Variants in UPB1 observed in about 807,000 individuals in gnomAD.
UPB1 encodes the protein beta-ureidopropionase 1, also known as beta-ureidopropionase.
A neutral mutation model predicts 49.1 loss-of-function variants in UPB1; 40 were observed. The observed-to-expected ratio is 0.81, with a 90% CI of 0.63 to 1.06. The LOEUF is 1.06. Ranked by LOEUF, UPB1 falls within the 50% of genes least tolerant of loss-of-function variation. The pLI is 0.00. For synonymous variants in UPB1, 207 were observed against 198.2 expected, an observed-to-expected ratio of 1.04 and a Z score of -0.38; for missense variants, 499 against 505.9, an observed-to-expected ratio of 0.99 and a Z score of 0.13.
chr22:24,526,218 CGGAT>C lies in UPB1; in HGVS notation c.*427_*430del. 1 of 296,794 alleles carries C rather than the reference CGGAT, an allele frequency of 3.4e-6. No homozygotes were observed. Among genetic ancestry groups the C allele is most frequent in the Non-Finnish European group, 6.6e-6 (1 of 151,242 alleles). The allele number at this position is 296,794 out of a possible 1,614,324, so 18.4% of individuals were successfully genotyped here. The stretch of plus-strand genomic sequence containing the variant: ...AGCCTACAGCAAGGCTGTGGTGGGT[CGGAT>C]GGTCTTTGGATGTGTCAGCTTAGCT... On this transcript the variant is annotated 3_prime_UTR_variant, in exon 10 of 10. Transcript: ENST00000326010.
intron 3 of UPB1, among the ~76,000 whole-genome samples, chr22:24,504,156 T>C (rs2044043410): frequency 6.6e-6 from 1 of 152,186 alleles, no homozygotes; most frequent in Non-Finnish European, 1.5e-5. Context: ...CTCCCTTCAT[T>C]TCCTGTTAGT....
chr22:24,513,168 A>T (rs867213121), intron 4 of UPB1, among the ~76,000 whole-genome samples, 156 bp from the exon 5 acceptor site: 12 of 152,222 alleles, frequency 7.9e-5, no homozygotes, highest in Non-Finnish European at 1.6e-4. Context: ...CTTATTTAGC[A>T]AAGCATGGAC....
chr22:24,516,243 C>T (rs1304338406), intron 6 of UPB1, among the ~76,000 whole-genome samples: 1 of 152,124 alleles, frequency 6.6e-6, no homozygotes, highest in Non-Finnish European at 1.5e-5. Context: ...CGGTGTTAGC[C>T]TCACCCCTAA....
chr22:24,515,494 G>GC, intron 6 of UPB1, 124 bp downstream of exon 6: 1 of 1,340,116 alleles, frequency 7.5e-7, no homozygotes, highest in Non-Finnish European at 1.0e-6. Context: ...ACAGAGCTGA[G>GC]CCCCCAGGAT....
intron 8 of UPB1, 96 bp downstream of exon 8, chr22:24,522,124 CACAT>C: frequency 7.0e-7 from 1 of 1,432,088 alleles, no homozygotes; most frequent in Non-Finnish European, 9.7e-7. Flanking sequence ...CCACACAGAT[CACAT>C]CTGCATGCCT....
intron 3 of UPB1, among the ~76,000 whole-genome samples, chr22:24,505,204 G>A (rs907169462): frequency 6.6e-6 from 1 of 152,056 alleles, no homozygotes. Context: ...TCATGGTTGC[G>A]ATATCTTCTC....
rs74279106 is a variant in UPB1 at position 24,525,995 on chromosome 22, T to C, written c.*201T>C. On this transcript the variant is annotated 3_prime_UTR_variant, in exon 10 of 10. Coordinates refer to ENST00000326010, the MANE Select transcript of UPB1 (RefSeq NM_016327.3). ...CTTACTTCTGGGGTATTGGAAATGT[T>C]TGGGGACTAGGTAGAGGTGAATGTA... 142 of 645,624 alleles carry C rather than the reference T, an allele frequency of 2.2e-4. 2 individuals are homozygous for C. In the African/African-American group the frequency reaches 2.3e-3, roughly 10 times the overall value. 40.0% of individuals were successfully genotyped at this position (645,624 alleles called of 1,614,324 possible).
chr22:24,502,788 T>G (rs888208852), intron 3 of UPB1: 6 of 482,278 alleles, frequency 1.2e-5, no homozygotes, highest in Non-Finnish European at 2.2e-5. Flanking sequence ...ACCTATTGAC[T>G]TCCCCCTATG....
chr22:24,511,748 G>T (rs1568988611), intron 4 of UPB1, among the ~76,000 whole-genome samples: 1 of 148,528 alleles, frequency 6.7e-6, no homozygotes, highest in Non-Finnish European at 1.5e-5. Context: ...GGAGTAGCTG[G>T]GACTACAGGC....
chr22:24,513,780 A>G (rs1216802199), intron 5 of UPB1, among the ~76,000 whole-genome samples: 2 of 152,224 alleles, frequency 1.3e-5, no homozygotes, highest in Non-Finnish European at 2.9e-5. Flanking sequence ...TCTTTGAAGT[A>G]AGTGGTATAT....
intron 6 of UPB1, among the ~76,000 whole-genome samples, chr22:24,517,097 C>T (rs2044310387): frequency 6.6e-6 from 1 of 152,128 alleles, no homozygotes; most frequent in African/African-American, 2.4e-5. Context: ...GCCCCTTTCT[C>T]AAGAGTAATA....
intron 7 of UPB1, 64 bp downstream of exon 7, chr22:24,520,532 G>A (rs755675576): frequency 2.1e-4 from 327 of 1,566,440 alleles, no homozygotes; most frequent in Middle Eastern, 3.3e-4. Context: ...GGGACACCCC[G>A]TTCCCTCTGC....
rs1341850190 is a variant in UPB1, at chr22:24,526,990, A to G, written c.*1196A>G. 1 of 152,166 alleles carries G rather than the reference A, an allele frequency of 6.6e-6. No homozygotes were observed. The highest frequency in any genetic ancestry group is 2.4e-5 in the African/African-American group (1 of 41,428). 9.4% of individuals were successfully genotyped at this position (152,166 alleles called of 1,614,324 possible). On this transcript the variant is annotated 3_prime_UTR_variant, in exon 10 of 10. Transcript: ENST00000326010. ...ACCTACTAATTCTGCTAGTTCTGCTAATGTGGTTGAGCTCCATTTTACACA... is the reference window on the plus strand; with the variant it reads ...ACCTACTAATTCTGCTAGTTCTGCTGATGTGGTTGAGCTCCATTTTACACA...
chr22:24,513,549 C>T (rs2044243926), intron 5 of UPB1, 64 bp downstream of exon 5: 2 of 1,570,136 alleles, frequency 1.3e-6, no homozygotes, highest in Non-Finnish European at 1.7e-6. Flanking sequence ...TTGTAGATCT[C>T]TGTGGGACTT....
chr22:24,505,359 G>A (rs373424236), intron 3 of UPB1, among the ~76,000 whole-genome samples: 32 of 152,274 alleles, frequency 2.1e-4, no homozygotes, highest in African/African-American at 7.0e-4. Flanking sequence ...TTGTAGTAGG[G>A]GCTCACCCAC....
At chr22:24,524,934 C>G (rs2044456886) in intron 9 of UPB1, among the ~76,000 whole-genome samples, 1 of 152,144 alleles carries the variant, frequency 6.6e-6, no homozygotes, top group South Asian at 2.1e-4. Flanking sequence ...AGCATGGGTT[C>G]CTCAGTCTCG....
intron 1 of UPB1, 47 bp from the exon 2 acceptor site, chr22:24,500,060 G>C: frequency 1.9e-6 from 3 of 1,612,362 alleles, no homozygotes; most frequent in Non-Finnish European, 2.5e-6. Flanking sequence ...TTTAAGTGGA[G>C]CAGACTGCAT....
At chr22:24,500,825 G>C (rs1055838507) in intron 2 of UPB1, among the ~76,000 whole-genome samples, 1 of 152,218 alleles carries the variant, frequency 6.6e-6, no homozygotes, top group Non-Finnish European at 1.5e-5. Context: ...GTTGTCACAG[G>C]CGCAGGTGGT....
intron 6 of UPB1, among the ~76,000 whole-genome samples, chr22:24,515,779 C>G (rs2044283594): frequency 6.6e-6 from 1 of 152,156 alleles, no homozygotes; most frequent in Admixed American, 6.5e-5. Flanking sequence ...AGTTTGAGAC[C>G]AGCCTAGCCA....
Sources: gnomAD v4.1 joint callset for allele counts (sites outside exome capture counted in the v4.1 genomes callset) on GRCh38, gnomAD v4.1.1 for gene constraint, MANE v1.5 for transcripts, NCBI Gene and HGNC (gene_info 2026-07-23, HGNC 2026-07-21) for gene names.